OLFM4: variants seen among roughly 807,000 people sequenced by gnomAD.
OLFM4 encodes the protein olfactomedin-4.
In OLFM4, 22 loss-of-function variants were observed where a neutral mutation model predicts 25.5. That is an observed-to-expected ratio of 0.86 (90% CI 0.62 to 1.23). The LOEUF (loss-of-function observed/expected upper bound fraction) is 1.23, where lower values mean the gene tolerates loss of function less well. Among genes scored for constraint, OLFM4 ranks in the 50% most tolerant of loss-of-function variants. The probability of loss-of-function intolerance (pLI) is 0.00; values close to 1 mark genes in which losing one functional copy is unlikely to be tolerated. For missense variants in OLFM4, 594 were observed against 619.4 expected, an observed-to-expected ratio of 0.96 and a Z score of 0.44; for synonymous variants, 255 against 237.7, an observed-to-expected ratio of 1.07 and a Z score of -0.67.
rs1285634248 is a variant in OLFM4, at chr13:53,050,667, A to G, written c.1429A>G (p.Lys477Glu). 1 of 1,614,016 alleles carries G rather than the reference A, an allele frequency of 6.2e-7. No individual in the cohort carries two copies. The highest frequency in any genetic ancestry group is 8.5e-7 in the Non-Finnish European group (1 of 1,179,964). Reference sequence around the variant, plus strand: ...CATTGTAATGCATAAGATGCAGGAAAAAGTGCAGAGCATTAACTATAACCC... The same window carrying G: ...CATTGTAATGCATAAGATGCAGGAAGAAGTGCAGAGCATTAACTATAACCC... ...LDIVMHKMQE[K>E]VQSINYNPFD... The change falls in exon 5 of 5, where the codon AAA becomes GAA. Residue 477 changes from lysine (K) to glutamate (E), a missense_variant. Lys to Glu is a moderately conservative substitution (Grantham distance 56, BLOSUM62 1). Coordinates refer to ENST00000219022, the MANE Select transcript of OLFM4 (RefSeq NM_006418.5).
chr13:53,046,772 C>T (rs555355377), intron 4 of OLFM4, among the ~76,000 whole-genome samples: 71 of 152,130 alleles, frequency 4.7e-4, no homozygotes, highest in Non-Finnish European at 8.1e-4. Flanking sequence ...CTGTATTTTT[C>T]GTAACTATTT....
rs771117746 is a variant in OLFM4 at position 53,050,550 on chromosome 13, G to A, written c.1312G>A (p.Gly438Arg). The A allele has an allele frequency of 6.2e-7, 1 of 1,613,962 alleles. No homozygotes were observed. Among genetic ancestry groups the A allele is most frequent in the South Asian group, 1.1e-5 (1 of 91,072 alleles). The change falls in exon 5 of 5, where the codon GGG becomes AGG. Residue 438 changes from glycine to arginine, a missense_variant. Coordinates refer to ENST00000219022, the MANE Select transcript of OLFM4 (RefSeq NM_006418.5). ...PSASNAFMVC[G>R]VLYATRTMNT... is the part of the protein sequence containing the mutation. Reference sequence around the variant, plus strand: ...TGCTTCTAACGCCTTCATGGTATGTGGGGTTCTGTATGCCACCCGTACTAT... The same window carrying A: ...TGCTTCTAACGCCTTCATGGTATGTAGGGTTCTGTATGCCACCCGTACTAT...
At chr13:53,047,275 G>A (rs928267960) in intron 4 of OLFM4, among the ~76,000 whole-genome samples, 1 of 152,156 alleles carries the variant, frequency 6.6e-6, no homozygotes, top group African/African-American at 2.4e-5. Context: ...GATAAGGGAG[G>A]GTGGTGAGAA....
chr13:53,038,188 C>A (rs527312432), intron 2 of OLFM4, among the ~76,000 whole-genome samples: 2 of 152,202 alleles, frequency 1.3e-5, no homozygotes, highest in East Asian at 1.9e-4. Context: ...TGTTTAGCAG[C>A]GTCCCTGGTC....
intron 4 of OLFM4, among the ~76,000 whole-genome samples, chr13:53,047,818 C>G (rs1593482809): frequency 6.6e-6 from 1 of 152,126 alleles, no homozygotes; most frequent in Non-Finnish European, 1.5e-5. Flanking sequence ...CTAAAAATTT[C>G]CACATCTGGG....
intron 2 of OLFM4, among the ~76,000 whole-genome samples, chr13:53,038,844 T>C (rs1593479463): frequency 6.6e-6 from 1 of 152,192 alleles, no homozygotes; most frequent in African/African-American, 2.4e-5. Flanking sequence ...TTACTTAAAT[T>C]AGTAAAGTTC....
rs1954696800 is a variant in OLFM4 at position 53,043,185 on chromosome 13, G to T, written c.651G>T (p.Val217=). 7 of 1,613,248 alleles carry T rather than the reference G, an allele frequency of 4.3e-6. No homozygotes were observed. The highest frequency in any genetic ancestry group is 1.7e-5 in the Admixed American group (1 of 59,870). ...TCCTTGCCATTCGCCGAGAAATCGT[G>T]GCTCTGAAGACCAAGCTGAAAGAGT... ...NNVLAIRREI[V]ALKTKLKECE... Residue 217 remains valine (V), a synonymous_variant, in exon 4 of 5, where the codon GTG becomes GTT. Coordinates refer to ENST00000219022, the MANE Select transcript of OLFM4 (RefSeq NM_006418.5).
intron 4 of OLFM4, among the ~76,000 whole-genome samples, chr13:53,045,728 A>G (rs1954712392): frequency 1.3e-5 from 2 of 152,308 alleles, no homozygotes; most frequent in East Asian, 1.9e-4. Context: ...GCTTGAACTT[A>G]GAACAAGTGA....
chr13:53,038,552 A>G (rs1954671404), intron 2 of OLFM4, among the ~76,000 whole-genome samples: 1 of 152,236 alleles, frequency 6.6e-6, no homozygotes, highest in African/African-American at 2.4e-5. Context: ...AAACATAGAA[A>G]AGGTACAGTA....
chr13:53,050,648 A>G lies in OLFM4; in HGVS notation c.1410A>G (p.Val470=). Residue 470 remains valine (V), a synonymous_variant, in exon 5 of 5, where the codon GTA becomes GTG. Transcript: ENST00000219022. ...GGAAAGAGGGCAAACTAGACATTGT[A>G]ATGCATAAGATGCAGGAAAAAGTGC... is the stretch of plus-strand genomic sequence containing the variant. The part of the protein sequence containing the change: ...NTGKEGKLDI[V]MHKMQEKVQS... 6.2e-7 allele frequency: 1 copy of G among 1,614,046 alleles called. No homozygotes were observed. Among genetic ancestry groups the G allele is most frequent in the Non-Finnish European group, 8.5e-7 (1 of 1,179,948 alleles).
At chr13:53,046,536 A>G (rs576878612) in intron 4 of OLFM4, among the ~76,000 whole-genome samples, 2 of 152,322 alleles carry the variant, frequency 1.3e-5, no homozygotes, top group East Asian at 3.9e-4. Flanking sequence ...AATAAGGGTA[A>G]GCTGAGTTTA....
intron 2 of OLFM4, among the ~76,000 whole-genome samples, chr13:53,037,081 A>T (rs576354348): frequency 6.6e-6 from 1 of 152,274 alleles, no homozygotes; most frequent in South Asian, 2.1e-4. Flanking sequence ...TGCCTTGAAA[A>T]TTGTCATTTA....
intron 4 of OLFM4, among the ~76,000 whole-genome samples, chr13:53,045,082 C>T (rs1013900695): frequency 7.2e-5 from 11 of 152,208 alleles, no homozygotes; most frequent in African/African-American, 2.7e-4. Context: ...AGAGCAGAAG[C>T]TGCAAGGCAA....
Position 53,041,898 on chromosome 13 carries a change from A to C in OLFM4, c.358-12A>C. The C allele has an allele frequency of 6.2e-7, 1 of 1,607,426 alleles. No homozygotes were observed. Among genetic ancestry groups the C allele is most frequent in the Non-Finnish European group, 8.5e-7 (1 of 1,174,176 alleles). The stretch of plus-strand genomic sequence containing the variant: ...TCAGGGAATTGGCTTGAACCTTTTG[A>C]TTTTCTTTCAGGTGAGGGAATATGT... On this transcript the variant is annotated splice_polypyrimidine_tract_variant and intron_variant, in intron 2 of 4. Transcript: ENST00000219022.
chr13:53,035,677 A>G (rs1954654788), intron 2 of OLFM4, among the ~76,000 whole-genome samples: 1 of 152,196 alleles, frequency 6.6e-6, no homozygotes, highest in African/African-American at 2.4e-5. Flanking sequence ...TGATGTGTCC[A>G]ATATTAGACA....
At chr13:53,034,552 T>C in intron 2 of OLFM4, 52 bp downstream of exon 2, 2 of 1,489,678 alleles carry the variant, frequency 1.3e-6, no homozygotes, top group South Asian at 2.5e-5. Flanking sequence ...CAAAACAAAA[T>C]GTGTTTTAAT....
chr13:53,050,822 T>TTTGGGAGGCCGAGGCGGGCGGA lies in OLFM4; in HGVS notation c.*52_*53insTGGGAGGCCGAGGCGGGCGGAT. On this transcript the variant is annotated 3_prime_UTR_variant, in exon 5 of 5. Coordinates refer to ENST00000219022, the MANE Select transcript of OLFM4 (RefSeq NM_006418.5). ...GAAAATGTTTGTTGAAAAAATAGTC[T>TTTGGGAGGCCGAGGCGGGCGGA]TCTCCACTTACTTAGATATCTGCAG... The TTTGGGAGGCCGAGGCGGGCGGA allele has an allele frequency of 6.8e-7, 1 of 1,475,042 alleles. No individual in the cohort carries two copies. 91.4% of individuals were successfully genotyped at this position (1,475,042 alleles called of 1,614,324 possible). A position where few individuals can be genotyped will look rare whatever the true frequency, so the allele number is the denominator to read the frequency against.
chr13:53,035,320 A>AT (rs80104065), intron 2 of OLFM4, among the ~76,000 whole-genome samples: 24,712 of 149,434 alleles, frequency 0.17, 2,800 homozygotes, highest in African/African-American at 0.3. Flanking sequence ...TTTTAATCTT[A>AT]TTTTTTTTTG....
chr13:53,041,769 A>G, intron 2 of OLFM4, 141 bp from the exon 3 acceptor site: 3 of 610,316 alleles, frequency 4.9e-6, no homozygotes, highest in Non-Finnish European at 8.8e-6. Flanking sequence ...AAATCTAGTT[A>G]AATGTATTTT....
Sources: allele counts gnomAD v4.1 joint callset (sites outside exome capture counted in the v4.1 genomes callset), GRCh38; gene constraint gnomAD v4.1.1; transcripts MANE v1.5; gene names NCBI Gene and HGNC (gene_info 2026-07-23, HGNC 2026-07-21).